Variants in PAPPA2 observed in about 807,000 individuals in gnomAD.
PAPPA2 encodes pappalysin-2.
Under a neutral mutation model 176.4 loss-of-function variants are expected in PAPPA2, and 86 were observed. The ratio of observed to expected loss-of-function variants is 0.49; its 90% CI spans 0.41 to 0.58. The LOEUF (loss-of-function observed/expected upper bound fraction) is 0.58, where lower values mean the gene tolerates loss of function less well. Among genes scored for constraint, PAPPA2 ranks in the 20% least tolerant of loss-of-function variants. The pLI is 0.00. For missense variants in PAPPA2, 2,073 were observed against 2,256.9 expected, an observed-to-expected ratio of 0.92 and a Z score of 1.65; for synonymous variants, 809 against 852.2, an observed-to-expected ratio of 0.95 and a Z score of 0.88.
At chr1:176,761,849 G>A (rs570797259) in intron 14 of PAPPA2, among the ~76,000 whole-genome samples, 1 of 152,360 alleles carries the variant, frequency 6.6e-6, no homozygotes, top group South Asian at 2.1e-4. Flanking sequence ...CTGGGGCATT[G>A]TAAGGCTTCA....
chr1:176,601,518 C>G (rs973723837), intron 3 of PAPPA2, among the ~76,000 whole-genome samples: 12 of 152,152 alleles, frequency 7.9e-5, no homozygotes, highest in African/African-American at 2.2e-4. Context: ...AAGCTCTGGA[C>G]TGGTCAGGAG....
At chr1:176,778,978 G>C (rs1355638960) in intron 17 of PAPPA2, among the ~76,000 whole-genome samples, 2 of 152,066 alleles carry the variant, frequency 1.3e-5, no homozygotes, top group Non-Finnish European at 2.9e-5. Context: ...TACACACCTG[G>C]GTGCAGGCCA....
At chr1:176,647,837 T>G (rs976690168) in intron 3 of PAPPA2, among the ~76,000 whole-genome samples, 1 of 151,758 alleles carries the variant, frequency 6.6e-6, no homozygotes, top group African/African-American at 2.4e-5. Flanking sequence ...CCATTTTGGC[T>G]GCTATAACTT....
Position 176,739,675 on chromosome 1 carries a change from C to A in PAPPA2, c.3848C>A (p.Thr1283Lys). 1.9e-6 allele frequency: 3 copies of A among 1,613,572 alleles called. No individual in the cohort carries two copies. The highest frequency in any genetic ancestry group is 2.5e-6 in the Non-Finnish European group (3 of 1,179,704). The change falls in exon 13 of 23, where the codon ACA (threonine) becomes AAA (lysine). Residue 1283 changes from threonine (T) to lysine (K), a missense_variant. Thr to Lys is a moderately conservative substitution (Grantham distance 78). This residue lies in a region of PAPPA2 where 846 missense variants were observed against 857.9 expected (regional missense o/e 0.99). Coordinates refer to ENST00000367662, the MANE Select transcript of PAPPA2 (RefSeq NM_020318.3). Reference protein sequence around the residue: ...GEARAIFIFLTTDGLVPGEHQ... With the variant: ...GEARAIFIFLKTDGLVPGEHQ... The stretch of plus-strand genomic sequence containing the variant: ...GCCAGAGCAATTTTTATTTTTTTGA[C>A]AACTGATGGCCTAGTTCCCGGAGAG...
At chr1:176,735,726 ATCTATCTATCTATCATCTATCTG>A (rs1203578212) in intron 12 of PAPPA2, among the ~76,000 whole-genome samples, 2 of 141,978 alleles carry the variant, frequency 1.4e-5, no homozygotes. Context: ...CTATCTATCT[ATCTATCTATCTATCATCTATCTG>A]TCTGTCTATC....
At chr1:176,727,302 C>A (rs1339259069) in intron 12 of PAPPA2, among the ~76,000 whole-genome samples, 1 of 151,852 alleles carries the variant, frequency 6.6e-6, no homozygotes, top group Non-Finnish European at 1.5e-5. Flanking sequence ...GAACCAGTTA[C>A]AAAACTGTTT....
At position 176,709,965 on chromosome 1, in the gene PAPPA2, C is replaced by T. The variant is rs756920393; in HGVS notation, c.3458-18C>T. ...TTATGAAAACACTTTTTCTGTGTCA[C>T]ACAATATTTCTTGGCAGGAGAGCCA... is the stretch of plus-strand genomic sequence containing the variant. On this transcript the variant is annotated intron_variant, in intron 10 of 22. Coordinates refer to ENST00000367662, the MANE Select transcript of PAPPA2 (RefSeq NM_020318.3). The T allele has an allele frequency of 1.3e-6, 2 of 1,580,720 alleles. No homozygotes were observed. Among genetic ancestry groups the T allele is most frequent in the Non-Finnish European group, 1.7e-6 (2 of 1,163,126 alleles).
At chr1:176,550,808 T>G (rs995107740) in intron 1 of PAPPA2, among the ~76,000 whole-genome samples, 1 of 152,042 alleles carries the variant, frequency 6.6e-6, no homozygotes. Context: ...GAGGGTGAAA[T>G]CCAGATTTGC....
intron 3 of PAPPA2, among the ~76,000 whole-genome samples, chr1:176,655,661 A>T (rs946506943): frequency 6.6e-6 from 1 of 151,826 alleles, no homozygotes; most frequent in Non-Finnish European, 1.5e-5. Flanking sequence ...GTGTGAAATG[A>T]TAGACAATGG....
In PAPPA2 at chr1:176,739,780, C is replaced by T. The variant is rs77278115; in HGVS notation, c.3934+19C>T. On this transcript the variant is annotated intron_variant, in intron 13 of 22. Coordinates refer to ENST00000367662, the MANE Select transcript of PAPPA2 (RefSeq NM_020318.3). ...TCTCTTGGTGAGTCTGACAAATATC[C>T]CTTTAGGGTCACTAGAGGACAACCC... The T allele has an allele frequency of 1.2e-6, 2 of 1,612,122 alleles. No individual in the cohort carries two copies.
At chr1:176,766,951 C>A (rs1317455439) in intron 15 of PAPPA2, among the ~76,000 whole-genome samples, 4 of 150,910 alleles carry the variant, frequency 2.7e-5, no homozygotes, top group African/African-American at 9.8e-5. Context: ...AGGTTGGGAA[C>A]CTGTGGGAGA....
intron 2 of PAPPA2, 21 bp from the exon 3 acceptor site, chr1:176,594,503 C>T (rs367842999): frequency 1.3e-5 from 20 of 1,591,686 alleles, no homozygotes; most frequent in South Asian, 3.4e-5. Context: ...TCTCTTCCCT[C>T]GATTCTTCCT....
At chr1:176,763,732 A>G (rs755735695) in intron 14 of PAPPA2, among the ~76,000 whole-genome samples, 4 of 152,216 alleles carry the variant, frequency 2.6e-5, no homozygotes, top group Non-Finnish European at 5.9e-5. Context: ...AGAATGAGAA[A>G]ATGCATACAC....
At chr1:176,841,032 C>A (rs1028514244) in intron 22 of PAPPA2, among the ~76,000 whole-genome samples, 2 of 152,174 alleles carry the variant, frequency 1.3e-5, no homozygotes, top group African/African-American at 4.8e-5. Context: ...ATGTTTAATC[C>A]TTACTCAATA....
intron 17 of PAPPA2, among the ~76,000 whole-genome samples, chr1:176,781,365 C>CTTTTTTTTTTTTTT (rs35029858): frequency 1.1e-4 from 5 of 46,240 alleles, no homozygotes; most frequent in African/African-American, 1.7e-4. Context: ...TTGTAAGGGG[C>CTTTTTTTTTTTTTT]TTTTTTTTTT....
chr1:176,629,727 G>A (rs1656237620), intron 3 of PAPPA2, among the ~76,000 whole-genome samples: 1 of 152,132 alleles, frequency 6.6e-6, no homozygotes, highest in South Asian at 2.1e-4. Flanking sequence ...ATAAACAAGT[G>A]TATATTGAAC....
chr1:176,769,097 C>T (rs954844214), intron 15 of PAPPA2, among the ~76,000 whole-genome samples: 1 of 152,218 alleles, frequency 6.6e-6, no homozygotes, highest in Non-Finnish European at 1.5e-5. Context: ...TGCAGAATCA[C>T]AGGAAGGAGC....
intron 1 of PAPPA2, among the ~76,000 whole-genome samples, chr1:176,487,935 G>A (rs1002799362): frequency 1.3e-5 from 2 of 152,124 alleles, no homozygotes; most frequent in African/African-American, 4.8e-5. Context: ...GAAACAACGA[G>A]GTTGATGTGG....
intron 22 of PAPPA2, among the ~76,000 whole-genome samples, chr1:176,841,226 G>T (rs908495369): frequency 5.3e-5 from 8 of 152,134 alleles, no homozygotes; most frequent in Admixed American, 1.3e-4. Context: ...TCTCTGTGTA[G>T]GAAGACAAGA....
Sources: allele counts gnomAD v4.1 joint callset (sites outside exome capture counted in the v4.1 genomes callset), GRCh38; gene constraint gnomAD v4.1.1; regional missense constraint gnomAD v4.1.1; transcripts MANE v1.5; gene names NCBI Gene and HGNC (gene_info 2026-07-23, HGNC 2026-07-21).